The following TTC23L variants were observed in gnomAD, a reference collection of about 807,000 sequenced individuals.
TTC23L encodes tetratricopeptide repeat protein 23-like.
A neutral mutation model predicts 48.1 loss-of-function variants in TTC23L; 42 were observed. The observed-to-expected ratio is 0.87, with a 90% CI of 0.68 to 1.13. TTC23L has a LOEUF of 1.13. Ranked by LOEUF, TTC23L falls within the 50% of genes most tolerant of loss-of-function variation. TTC23L has a pLI of 0.00. For synonymous variants in TTC23L, 159 were observed against 157.2 expected (o/e 1.01, Z -0.09); for missense variants, 391 against 421.0 (o/e 0.93, Z 0.62).
At chr5:34,923,338 GGCACAATCTTGGCTCACTGCAA>G in the TTC23L span, 36 of 883,172 alleles carry the variant, frequency 4.1e-5, 1 homozygote, top group East Asian at 9.0e-4. Context: ...GGACTGCAGT[GGCACAATCTTGGCTCACTGCAA>G]CCTCCACCTC....
chr5:34,911,021 C>G, the TTC23L span, among the ~76,000 whole-genome samples: 1 of 152,176 alleles, frequency 6.6e-6, no homozygotes, highest in Non-Finnish European at 1.5e-5. Context: ...TCTGTGTGTG[C>G]TATCTTGGTA....
At chr5:34,855,817 A>G (rs1328931710) in intron 4 of TTC23L, among the ~76,000 whole-genome samples, 1 of 152,204 alleles carries the variant, frequency 6.6e-6, no homozygotes, top group Non-Finnish European at 1.5e-5. Context: ...ATGAGAATGT[A>G]GGCTTATTTT....
chr5:34,914,874 G>A, the TTC23L span: 4 of 1,614,026 alleles, frequency 2.5e-6, no homozygotes, highest in African/African-American at 1.3e-5. Flanking sequence ...TCTTGGATCT[G>A]TTGGGTCAGA....
chr5:34,843,022 G>A (rs1758817546), intron 2 of TTC23L, among the ~76,000 whole-genome samples: 1 of 152,156 alleles, frequency 6.6e-6, no homozygotes, highest in Non-Finnish European at 1.5e-5. Flanking sequence ...TGGCCAGGCT[G>A]GTCTCGAACT....
At chr5:34,860,398 C>T (rs541408714) in intron 4 of TTC23L, among the ~76,000 whole-genome samples, 3 of 152,318 alleles carry the variant, frequency 2.0e-5, no homozygotes, top group South Asian at 4.1e-4. Context: ...CTATGTATTT[C>T]TCCAAGTGTG....
At chr5:34,879,097 A>G (rs1310079631) in intron 8 of TTC23L, among the ~76,000 whole-genome samples, 1 of 152,234 alleles carries the variant, frequency 6.6e-6, no homozygotes, top group Non-Finnish European at 1.5e-5. Flanking sequence ...CCAGACACAG[A>G]AAGTCAAGTA....
intron 8 of TTC23L, 119 bp downstream of exon 8, chr5:34,869,132 GTCACAGTC>G: frequency 1.3e-6 from 1 of 770,214 alleles, no homozygotes; most frequent in Non-Finnish European, 2.2e-6. Flanking sequence ...AATTAGGTGG[GTCACAGTC>G]TCATACAAAA....
exon 9 of TTC23L, chr5:34,880,282 T>C (rs1360588516): frequency 3.7e-6 from 6 of 1,612,374 alleles, no homozygotes; most frequent in Admixed American, 1.7e-5. Flanking sequence ...ATTTTGCAAA[T>C]GGCTTGTCCA....
chr5:34,878,953 G>C (rs913574498), intron 8 of TTC23L, among the ~76,000 whole-genome samples: 1 of 152,164 alleles, frequency 6.6e-6, no homozygotes, highest in African/African-American at 2.4e-5. Context: ...TAAGTATTCA[G>C]CAGTGGATGA....
At position 34,862,578 on chromosome 5, in the gene TTC23L, T is replaced by C. The variant is rs114578570; in HGVS notation, c.380-320T>C. 2.7e-3 allele frequency among the ~76,000 whole-genome samples: 410 copies of C among 152,308 alleles called. 1 individual carries two copies. Among genetic ancestry groups the C allele is most frequent in the African/African-American group, 9.3e-3 (387 of 41,554 alleles). ...TACTCACCTTCCATTCCTGTCTCTG[T>C]CTTGAGTTCCAAACTGAGGTACGAA... On this transcript the variant is annotated intron_variant, in intron 4 of 10. Coordinates refer to ENST00000505624, the Ensembl canonical transcript of TTC23L.
At chr5:34,919,837 T>G in the TTC23L span, 1 of 1,035,020 alleles carries the variant, frequency 9.7e-7, no homozygotes, top group Non-Finnish European at 1.4e-6. Flanking sequence ...TTTCTTTTTC[T>G]AGATACTAAA....
chr5:34,866,104 C>T (rs942914910), intron 6 of TTC23L, among the ~76,000 whole-genome samples: 2 of 152,110 alleles, frequency 1.3e-5, no homozygotes, highest in African/African-American at 4.8e-5. Flanking sequence ...AAAGATAAAC[C>T]TCAATGAGAT....
At chr5:34,846,707 G>GTGTGTGTGTA (rs59410522) in intron 3 of TTC23L, among the ~76,000 whole-genome samples, 2,650 of 129,700 alleles carry the variant, frequency 0.02, 98 homozygotes, top group South Asian at 0.061. Context: ...GTGTGTGTGT[G>GTGTGTGTGTA]TATCCATCCT....
chr5:34,840,237 C>CG (rs35797294), intron 1 of TTC23L, among the ~76,000 whole-genome samples: 15,378 of 42,822 alleles, frequency 0.36, 4,345 homozygotes, highest in Non-Finnish European at 0.41. Context: ...GAAATGACCC[C>CG]GGGGGGGGGG....
Position 34,863,180 on chromosome 5 carries a change from C to CTCATGGAGGG in TTC23L, c.536+126_536+127insTCATGGAGGG. ...TTGTAGATCTGTTCCAACATCAAGG[C>CTCATGGAGGG]CCTCCATGAGCCTCTCCTCTCCATC... is the stretch of plus-strand genomic sequence containing the variant. On this transcript the variant is annotated intron_variant, in intron 5 of 10. Coordinates refer to ENST00000505624, the Ensembl canonical transcript of TTC23L. The surrounding 1 kb of genome is among the most constrained non-coding windows in gnomAD (Gnocchi z 4.1). 8.5e-7 allele frequency: 1 copy of CTCATGGAGGG among 1,181,982 alleles called. No homozygotes were observed. The highest frequency in any genetic ancestry group is 1.2e-6 in the Non-Finnish European group (1 of 831,580). 73.2% of individuals were successfully genotyped at this position (1,181,982 alleles called of 1,614,324 possible).
chr5:34,855,315 G>T (rs1760037601), intron 4 of TTC23L, among the ~76,000 whole-genome samples: 1 of 152,154 alleles, frequency 6.6e-6, no homozygotes, highest in African/African-American at 2.4e-5. Context: ...TACAGGCTAA[G>T]GAATTTGTAA....
chr5:34,918,561 T>A, the TTC23L span: 1 of 748,386 alleles, frequency 1.3e-6, no homozygotes, highest in Non-Finnish European at 2.0e-6. Context: ...ATTCTTCATT[T>A]GTTCAGTGTT....
At chr5:34,905,708 A>G in the TTC23L span, 1 of 151,988 alleles carries the variant, frequency 6.6e-6, no homozygotes, top group African/African-American at 2.4e-5. Flanking sequence ...TATATACTAC[A>G]CATCAATTTG....
At chr5:34,922,063 G>T in the TTC23L span, 1 of 434,888 alleles carries the variant, frequency 2.3e-6, no homozygotes. Context: ...AACTTTAAAG[G>T]TTCCTTCTGT....
Sources: gnomAD v4.1 joint callset for allele counts (sites outside exome capture counted in the v4.1 genomes callset) on GRCh38, gnomAD v4.1.1 for gene constraint, Gnocchi (gnomAD v3.1) non-coding constraint, MANE v1.5 for transcripts, NCBI Gene and HGNC (gene_info 2026-07-23, HGNC 2026-07-21) for gene names.